Variants in GPD2 observed in about 807,000 individuals in gnomAD.
GPD2 encodes glycerol-3-phosphate dehydrogenase 2.
A neutral mutation model predicts 82.4 loss-of-function variants in GPD2; 54 were observed. The observed-to-expected ratio is 0.66, with a 90% CI of 0.53 to 0.82. The LOEUF is 0.82. Among genes scored for constraint, GPD2 ranks in the 40% least tolerant of loss-of-function variants. The probability of loss-of-function intolerance (pLI) is 0.00; values close to 1 mark genes in which losing one functional copy is unlikely to be tolerated. For synonymous variants in GPD2, 288 were observed against 306.1 expected (o/e 0.94, Z 0.62); for missense variants, 748 against 896.2 (o/e 0.83, Z 2.11).
chr2:156,437,584 A>G (rs1184564697), intron 1 of GPD2, among the ~76,000 whole-genome samples: 1 of 152,180 alleles, frequency 6.6e-6, no homozygotes, highest in Non-Finnish European at 1.5e-5. Context: ...CTTGACTTTT[A>G]CAAATCAACT....
chr2:156,412,779 T>C, the GPD2 span, among the ~76,000 whole-genome samples: 1 of 152,150 alleles, frequency 6.6e-6, no homozygotes, highest in Non-Finnish European at 1.5e-5. Context: ...GAAAAAACAG[T>C]AAGCAGAAAA....
intron 1 of GPD2, among the ~76,000 whole-genome samples, chr2:156,457,357 G>A (rs553055128): frequency 1.3e-5 from 2 of 152,318 alleles, no homozygotes; most frequent in African/African-American, 4.8e-5. Context: ...CAGACTACTA[G>A]AGATAGAGGT....
chr2:156,510,671 A>G (rs1394028333), intron 3 of GPD2, 125 bp from the exon 4 acceptor site: 2 of 777,520 alleles, frequency 2.6e-6, no homozygotes, highest in East Asian at 2.6e-5. Flanking sequence ...TGCACTTTGA[A>G]TACAAATTTA....
At chr2:156,446,638 G>A (rs1477784259) in intron 1 of GPD2, among the ~76,000 whole-genome samples, 5 of 151,170 alleles carry the variant, frequency 3.3e-5, no homozygotes, top group African/African-American at 1.2e-4. Context: ...GCAGTGGCAC[G>A]ATCTTGGCTC....
intron 2 of GPD2, among the ~76,000 whole-genome samples, chr2:156,479,758 T>A (rs944862058): frequency 6.6e-6 from 1 of 152,152 alleles, no homozygotes; most frequent in East Asian, 1.9e-4. Context: ...CCTTCCTCAG[T>A]TAAGCATCTG....
At chr2:156,526,572 T>C (rs1685616741) in intron 6 of GPD2, among the ~76,000 whole-genome samples, 1 of 138,560 alleles carries the variant, frequency 7.2e-6, no homozygotes, top group African/African-American at 2.7e-5. Flanking sequence ...GTGCATTTTT[T>C]AAAATTTAGA....
intron 6 of GPD2, among the ~76,000 whole-genome samples, chr2:156,526,158 C>A (rs1388601448): frequency 6.6e-6 from 1 of 152,116 alleles, no homozygotes; most frequent in Admixed American, 6.5e-5. Flanking sequence ...ATTTCATAGC[C>A]ATGTTAACTG....
chr2:156,466,353 A>T (rs937479343), intron 1 of GPD2, among the ~76,000 whole-genome samples: 2 of 152,202 alleles, frequency 1.3e-5, no homozygotes, highest in Non-Finnish European at 2.9e-5. Flanking sequence ...ACATAATAGA[A>T]ACTATTCTAT....
chr2:156,567,548 A>T (rs1031589427), intron 9 of GPD2, among the ~76,000 whole-genome samples: 1 of 152,130 alleles, frequency 6.6e-6, no homozygotes, highest in African/African-American at 2.4e-5. Flanking sequence ...TTGAAGCAAA[A>T]TTATACTCAT....
the GPD2 span, among the ~76,000 whole-genome samples, chr2:156,421,803 G>A: frequency 6.6e-6 from 1 of 152,088 alleles, no homozygotes. Flanking sequence ...ATCCCCTTCT[G>A]ATTTTCCTTA....
chr2:156,569,680 A>G (rs1173788557), intron 11 of GPD2, 142 bp downstream of exon 11: 1 of 734,782 alleles, frequency 1.4e-6, no homozygotes, highest in Non-Finnish European at 2.4e-6. Context: ...GGAAGGAAAA[A>G]AAGATGATCT....
rs769907302 is a variant in GPD2, at chr2:156,476,181, C to T, written c.76C>T (p.Gln26Ter). 5.6e-6 allele frequency: 9 copies of T among 1,601,182 alleles called. No individual in the cohort carries two copies. The highest frequency in any genetic ancestry group is 7.7e-6 in the Non-Finnish European group (9 of 1,168,466). The change falls in exon 2 of 17, where the codon CAG (glutamine) becomes TAG (stop). Residue 26 changes from glutamine to a stop codon, truncating the protein, a stop_gained. Coordinates refer to ENST00000438166, the MANE Select transcript of GPD2 (RefSeq NM_000408.5). LOFTEE classifies it high-confidence loss of function. Reference protein sequence around the residue: ...GALATVLGLSQFAHYRRKQMN... With the variant: ...GALATVLGLS ...TCTTGCAACTGTTTTAGGACTTTCT[C>T]AGTTTGCTCATTACAGAAGGAAACA...
At chr2:156,513,938 G>A (rs1183874235) in intron 6 of GPD2, among the ~76,000 whole-genome samples, 2 of 152,198 alleles carry the variant, frequency 1.3e-5, no homozygotes, top group African/African-American at 4.8e-5. Flanking sequence ...AAAATGCCCT[G>A]TGGGCTGAAA....
At chr2:156,578,821 G>A in intron 13 of GPD2, 68 bp from the exon 14 acceptor site, 1 of 918,400 alleles carries the variant, frequency 1.1e-6, no homozygotes, top group Non-Finnish European at 1.8e-6. Flanking sequence ...AAGATCAACA[G>A]TAAAAAAAGG....
intron 2 of GPD2, among the ~76,000 whole-genome samples, chr2:156,493,503 T>C (rs1225686690): frequency 6.6e-6 from 1 of 151,844 alleles, no homozygotes; most frequent in African/African-American, 2.4e-5. Context: ...AGGGAGTGAA[T>C]ATAGGAGAAA....
intron 1 of GPD2, among the ~76,000 whole-genome samples, chr2:156,455,404 A>G (rs1202378313): frequency 6.6e-6 from 1 of 152,232 alleles, no homozygotes; most frequent in Admixed American, 6.5e-5. Context: ...GCCAAAGCAT[A>G]TGCTTAAAGC....
chr2:156,407,273 T>C, the GPD2 span, among the ~76,000 whole-genome samples: 2 of 152,210 alleles, frequency 1.3e-5, no homozygotes, highest in African/African-American at 2.4e-5. Flanking sequence ...TCTATGTGGA[T>C]ATAAACATTG....
intron 1 of GPD2, among the ~76,000 whole-genome samples, chr2:156,439,818 G>A (rs1242520042): frequency 1.3e-5 from 2 of 150,460 alleles, no homozygotes; most frequent in East Asian, 3.9e-4. Flanking sequence ...TTGCACTCCA[G>A]CCTGGGCGAC....
At chr2:156,518,733 G>T (rs989385474) in intron 6 of GPD2, among the ~76,000 whole-genome samples, 1 of 152,094 alleles carries the variant, frequency 6.6e-6, no homozygotes, top group Non-Finnish European at 1.5e-5. Context: ...TCTTAAGATG[G>T]TGCCTTTAAT....
Sources: allele counts gnomAD v4.1 joint callset (sites outside exome capture counted in the v4.1 genomes callset), GRCh38; gene constraint gnomAD v4.1.1; transcripts MANE v1.5; gene names NCBI Gene and HGNC (gene_info 2026-07-23, HGNC 2026-07-21).